Variants in RGS10 observed in about 807,000 individuals in gnomAD.
The protein encoded by RGS10 is regulator of G protein signaling 10.
In RGS10, 11 loss-of-function variants were observed where a neutral mutation model predicts 23.5. The observed-to-expected ratio is 0.47, with a 90% CI of 0.29 to 0.77. The LOEUF (loss-of-function observed/expected upper bound fraction) is 0.77. Among genes scored for constraint, RGS10 ranks in the 30% least tolerant of loss-of-function variants. The probability of loss-of-function intolerance (pLI) is 0.08; values close to 1 mark genes in which losing one functional copy is unlikely to be tolerated. For synonymous variants in RGS10, 77 were observed against 83.2 expected (o/e 0.92, Z 0.41); for missense variants, 180 against 226.3 (o/e 0.80, Z 1.31).
At position 119,542,661 on chromosome 10, in the gene RGS10, A is replaced by C; in HGVS notation, c.-23T>G. ...CATCGCCGCGGGCGCCCGAGGAGGA[A>C]GAAGGAGCAGCCCGGCGGCGCGGCG... On this transcript the variant is annotated 5_prime_UTR_variant, in exon 1 of 5. Transcript: ENST00000369103. The C allele has an allele frequency of 7.3e-7, 1 of 1,372,996 alleles. No individual in the cohort carries two copies. The highest frequency in any genetic ancestry group is 3.3e-5 in the Admixed American group (1 of 30,506). The allele number at this position is 1,372,996 out of a possible 1,614,324, so 85.1% of individuals were successfully genotyped here.
At chr10:119,523,600 G>A (rs1212092308) in intron 3 of RGS10, among the ~76,000 whole-genome samples, 3 of 152,192 alleles carry the variant, frequency 2.0e-5, no homozygotes, top group Non-Finnish European at 4.4e-5. Context: ...AGGAGGCGGA[G>A]GCTGCAGTGA....
chr10:119,539,693 C>T (rs1844420117), intron 1 of RGS10, among the ~76,000 whole-genome samples: 1 of 152,156 alleles, frequency 6.6e-6, no homozygotes, highest in Non-Finnish European at 1.5e-5. Flanking sequence ...GGGTGGAACA[C>T]ACTTTGAGAA....
intron 1 of RGS10, among the ~76,000 whole-genome samples, chr10:119,528,896 G>A (rs534488543): frequency 1.3e-5 from 2 of 151,676 alleles, no homozygotes; most frequent in Non-Finnish European, 2.9e-5. Context: ...TGATGCCTGA[G>A]GTTTTTGGCA....
In RGS10 at chr10:119,506,990, T is replaced by C. The variant is rs560862026; in HGVS notation, c.400-6731A>G. ...CTGGGATTACAGGCGTGAGCCACCATGCCCAGCACCAAATACCATTTTAAA... is the reference window on the plus strand; with the variant it reads ...CTGGGATTACAGGCGTGAGCCACCACGCCCAGCACCAAATACCATTTTAAA... On this transcript the variant is annotated intron_variant, in intron 4 of 4. Transcript: ENST00000369103. 7.2e-5 allele frequency among the ~76,000 whole-genome samples: 11 copies of C among 152,314 alleles called. No individual in the cohort carries two copies. The South Asian group carries it at 2.3e-3, about 32-fold the overall frequency.
At chr10:119,516,317 C>T (rs1844143080) in intron 3 of RGS10, 1 of 152,052 alleles carries the variant, frequency 6.6e-6, no homozygotes, top group East Asian at 1.9e-4. Flanking sequence ...ATTAAGCGCC[C>T]ACTGGGCTGC....
chr10:119,535,928 CTT>C (rs898676554), intron 1 of RGS10, among the ~76,000 whole-genome samples: 6 of 152,330 alleles, frequency 3.9e-5, no homozygotes, highest in African/African-American at 1.2e-4. Context: ...TTTAAAACCT[CTT>C]GTCACCTATA....
chr10:119,515,353 A>C, intron 4 of RGS10, 156 bp downstream of exon 4: 3 of 825,228 alleles, frequency 3.6e-6, no homozygotes, highest in Non-Finnish European at 5.7e-6. Context: ...TCTGGTCCCC[A>C]CTCTCCCCAA....
At position 119,527,754 on chromosome 10, in the gene RGS10, C is replaced by A. The variant is rs186581705; in HGVS notation, c.50-330G>T. ...CCTCAAGTCACACTCAAACCCTCCT[C>A]CAAGAGAACCTTGATTCAACAGCAA... is the stretch of plus-strand genomic sequence containing the variant. On this transcript the variant is annotated intron_variant, in intron 1 of 4. Transcript: ENST00000369103. The surrounding 1 kb of genome is among the most constrained non-coding windows in gnomAD (Gnocchi z 4.2). 5.6e-4 allele frequency among the ~76,000 whole-genome samples: 86 copies of A among 152,288 alleles called. No homozygotes were observed. The highest frequency in any genetic ancestry group is 2.0e-3 in the African/African-American group (82 of 41,562).
intron 4 of RGS10, among the ~76,000 whole-genome samples, chr10:119,512,421 C>T (rs1844089296): frequency 6.6e-6 from 1 of 152,162 alleles, no homozygotes; most frequent in East Asian, 1.9e-4. Context: ...GTTTTCAAAG[C>T]AAAACGGAAC....
At chr10:119,534,872 G>C (rs1844371799) in intron 1 of RGS10, among the ~76,000 whole-genome samples, 1 of 152,086 alleles carries the variant, frequency 6.6e-6, no homozygotes, top group Non-Finnish European at 1.5e-5. Context: ...CCTGGTGACA[G>C]AGCAAGACTC....
intron 4 of RGS10, among the ~76,000 whole-genome samples, chr10:119,513,635 C>T (rs1214618617): frequency 6.6e-6 from 1 of 152,120 alleles, no homozygotes; most frequent in Non-Finnish European, 1.5e-5. Flanking sequence ...AGCTGTTGGG[C>T]AGGCGGGCTG....
At position 119,527,538 on chromosome 10, in the gene RGS10, T is replaced by C. The variant is rs540739303; in HGVS notation, c.50-114A>G. 1.3e-6 allele frequency: 1 copy of C among 778,080 alleles called. No homozygotes were observed. Among genetic ancestry groups the C allele is most frequent in the Non-Finnish European group, 2.2e-6 (1 of 446,084 alleles). The allele number at this position is 778,080 out of a possible 1,614,324, so 48.2% of individuals were successfully genotyped here. A position where few individuals can be genotyped will look rare whatever the true frequency, so the allele number is the denominator to read the frequency against. On this transcript the variant is annotated intron_variant, in intron 1 of 4. Transcript: ENST00000369103. The surrounding 1 kb of genome is among the most constrained non-coding windows in gnomAD (Gnocchi z 4.2). ...ATCACGGCTGACATACACCGACTTATGCGTCAGGCTCTGTTCTAGGTGCTT... is the reference window on the plus strand; with the variant it reads ...ATCACGGCTGACATACACCGACTTACGCGTCAGGCTCTGTTCTAGGTGCTT...
At chr10:119,523,299 A>G (rs3009918) in intron 3 of RGS10, among the ~76,000 whole-genome samples, 151,717 of 152,338 alleles carry the variant, frequency 1, 75,551 homozygotes, top group Middle Eastern at 1. Flanking sequence ...AGGCAGTGAC[A>G]GGAGGGTGGC....
At chr10:119,535,410 GTGAAGCATCACAGTGCAGATGGC>G (rs954188326) in intron 1 of RGS10, among the ~76,000 whole-genome samples, 1 of 152,178 alleles carries the variant, frequency 6.6e-6, no homozygotes, top group Non-Finnish European at 1.5e-5. Context: ...TCAAGGATGG[GTGAAGCATCACAGTGCAGATGGC>G]TGGGGCTGGT....
intron 4 of RGS10, among the ~76,000 whole-genome samples, chr10:119,504,106 C>T (rs1245007061): frequency 6.6e-6 from 1 of 152,228 alleles, no homozygotes; most frequent in East Asian, 1.9e-4. Flanking sequence ...TGGAAAACTG[C>T]CCGTGAATGT....
intron 3 of RGS10, chr10:119,516,633 C>T (rs1844147792): frequency 6.6e-6 from 1 of 152,232 alleles, no homozygotes; most frequent in Non-Finnish European, 1.5e-5. Context: ...TCGCTGCCCG[C>T]CCTCAAGTCC....
chr10:119,529,442 G>A (rs986965786), intron 1 of RGS10, among the ~76,000 whole-genome samples: 5 of 152,200 alleles, frequency 3.3e-5, no homozygotes, highest in East Asian at 1.9e-4. Context: ...TGACAAGAGC[G>A]AAACTCTGAC....
intron 4 of RGS10, among the ~76,000 whole-genome samples, chr10:119,501,254 C>A (rs1843949980): frequency 6.6e-6 from 1 of 152,166 alleles, no homozygotes; most frequent in South Asian, 2.1e-4. Flanking sequence ...TCGCAGTACA[C>A]TCTGCAACTA....
At chr10:119,511,930 AC>A (rs1844080398) in intron 4 of RGS10, among the ~76,000 whole-genome samples, 1 of 152,048 alleles carries the variant, frequency 6.6e-6, no homozygotes, top group Non-Finnish European at 1.5e-5. Context: ...GAATGGAAAA[AC>A]CTGTTAGAAC....
Sources: allele counts gnomAD v4.1 joint callset (sites outside exome capture counted in the v4.1 genomes callset), GRCh38; gene constraint gnomAD v4.1.1; non-coding constraint Gnocchi (gnomAD v3.1); transcripts MANE v1.5; gene names NCBI Gene and HGNC (gene_info 2026-07-23, HGNC 2026-07-21).